Variants in NUDT9 observed in about 807,000 individuals in gnomAD.
The protein encoded by NUDT9 is nudix hydrolase 9.
A neutral mutation model predicts 41.0 loss-of-function variants in NUDT9; 31 were observed. The ratio of observed to expected loss-of-function variants is 0.76; its 90% CI spans 0.57 to 1.02. The LOEUF is 1.02. Among genes scored for constraint, NUDT9 ranks in the 50% least tolerant of loss-of-function variants. NUDT9 has a pLI of 0.00. For synonymous variants in NUDT9, 146 were observed against 147.6 expected (o/e 0.99, Z 0.08); for missense variants, 380 against 431.4 (o/e 0.88, Z 1.06).
intron 4 of NUDT9, among the ~76,000 whole-genome samples, chr4:87,447,395 A>G (rs1722504976): frequency 6.6e-6 from 1 of 152,160 alleles, no homozygotes; most frequent in African/African-American, 2.4e-5. Flanking sequence ...TTGGAAACTC[A>G]TATGCATACT....
intron 7 of NUDT9, among the ~76,000 whole-genome samples, chr4:87,456,747 A>G (rs1199610822): frequency 6.6e-6 from 1 of 151,922 alleles, no homozygotes; most frequent in East Asian, 1.9e-4. Flanking sequence ...AGTTTTTGGT[A>G]TGGCAGTGTG....
chr4:87,435,688 G>A (rs1336510808), intron 2 of NUDT9, among the ~76,000 whole-genome samples: 2 of 152,128 alleles, frequency 1.3e-5, no homozygotes, highest in African/African-American at 4.8e-5. Flanking sequence ...GAAAAGGGTT[G>A]GATAAAGGGG....
chr4:87,456,006 A>G (rs1360194820), intron 7 of NUDT9, among the ~76,000 whole-genome samples: 1 of 152,116 alleles, frequency 6.6e-6, no homozygotes, highest in African/African-American at 2.4e-5. Flanking sequence ...TTGTAAGGGA[A>G]CTAAGGCAAA....
intron 7 of NUDT9, among the ~76,000 whole-genome samples, chr4:87,454,875 T>C (rs1370696832): frequency 6.6e-6 from 1 of 152,212 alleles, no homozygotes; most frequent in Non-Finnish European, 1.5e-5. Context: ...GGATTGTTAA[T>C]ACACAAAGCA....
At chr4:87,449,792 T>C (rs1196191822) in intron 5 of NUDT9, among the ~76,000 whole-genome samples, 1 of 152,248 alleles carries the variant, frequency 6.6e-6, no homozygotes, top group East Asian at 1.9e-4. Context: ...AAGATGAGTA[T>C]ACTTTTGTTG....
intron 4 of NUDT9, among the ~76,000 whole-genome samples, chr4:87,444,271 A>G (rs1722348748): frequency 6.6e-6 from 1 of 152,072 alleles, no homozygotes; most frequent in African/African-American, 2.4e-5. Flanking sequence ...AGATATAATA[A>G]TAATTTGATA....
intron 1 of NUDT9, among the ~76,000 whole-genome samples, chr4:87,428,242 G>A (rs978289455): frequency 6.6e-6 from 1 of 152,170 alleles, no homozygotes; most frequent in East Asian, 1.9e-4. Context: ...TGTGATGAAA[G>A]AGAACAGCTT....
chr4:87,446,025 A>G (rs1170371579), intron 4 of NUDT9, among the ~76,000 whole-genome samples: 3 of 151,562 alleles, frequency 2.0e-5, no homozygotes, highest in Non-Finnish European at 4.4e-5. Flanking sequence ...CGGCTTCCCA[A>G]AGTGCTAAGA....
chr4:87,426,889 A>G (rs1470489400), intron 1 of NUDT9, among the ~76,000 whole-genome samples: 2 of 147,202 alleles, frequency 1.4e-5, no homozygotes, highest in East Asian at 4.2e-4. Context: ...AATAAACAAA[A>G]TTGGGAGTCG....
At position 87,429,908 on chromosome 4, in the gene NUDT9, G is replaced by A. The variant is rs73839779; in HGVS notation, c.108-5073G>A. On this transcript the variant is annotated intron_variant, in intron 1 of 7. Transcript: ENST00000302174. ...TCTATATATGCTTATATAATAAATA[G>A]TATAGACAGTTGTGGTAAGCAGAAT... Among the ~76,000 whole-genome samples the A allele has an allele frequency of 2.8e-3, 420 of 152,040 alleles. 1 individual carries two copies. Among genetic ancestry groups the A allele is most frequent in the African/African-American group, 9.6e-3 (397 of 41,440 alleles).
intron 1 of NUDT9, among the ~76,000 whole-genome samples, chr4:87,423,452 C>T (rs910287773): frequency 1.3e-5 from 2 of 151,954 alleles, no homozygotes; most frequent in African/African-American, 4.8e-5. Flanking sequence ...TACTATCTAC[C>T]TCCTTTTTTT....
chr4:87,457,563 G>A (rs10008963), intron 7 of NUDT9, among the ~76,000 whole-genome samples: 102,444 of 151,988 alleles, frequency 0.67, 35,257 homozygotes, highest in African/African-American at 0.82. Context: ...TCATATTCAT[G>A]TAATATAATC....
chr4:87,457,720 A>T, intron 7 of NUDT9, 123 bp from the exon 8 acceptor site: 2 of 826,628 alleles, frequency 2.4e-6, no homozygotes, highest in Non-Finnish European at 1.9e-6. Context: ...TCTAGTTTTT[A>T]ATTCACTTGG....
At chr4:87,455,391 C>G (rs1722940723) in intron 7 of NUDT9, among the ~76,000 whole-genome samples, 1 of 152,182 alleles carries the variant, frequency 6.6e-6, no homozygotes, top group Non-Finnish European at 1.5e-5. Flanking sequence ...AGAAGCAGGT[C>G]TGTACAACTT....
intron 4 of NUDT9, chr4:87,445,398 A>T (rs1276783158): frequency 3.9e-5 from 6 of 152,158 alleles, no homozygotes; most frequent in Non-Finnish European, 8.8e-5. Context: ...TCAAGTATGC[A>T]CTTCATGATT....
At chr4:87,444,620 A>G (rs1040219809) in intron 4 of NUDT9, among the ~76,000 whole-genome samples, 2 of 152,228 alleles carry the variant, frequency 1.3e-5, no homozygotes, top group South Asian at 4.1e-4. Flanking sequence ...AATGTTTGAA[A>G]CAGGAATGTA....
At chr4:87,450,865 TTGTCAGCTAA>T (rs1722680067) in intron 5 of NUDT9, among the ~76,000 whole-genome samples, 1 of 152,202 alleles carries the variant, frequency 6.6e-6, no homozygotes, top group African/African-American at 2.4e-5. Flanking sequence ...TATCTTCCTT[TTGTCAGCTAA>T]TATTTTAGAC....
intron 3 of NUDT9, 64 bp from the exon 4 acceptor site, chr4:87,441,765 A>T: frequency 7.9e-7 from 1 of 1,273,494 alleles, no homozygotes; most frequent in Non-Finnish European, 1.1e-6. Flanking sequence ...CTTTTGGGTT[A>T]TATCAAATCA....
At chr4:87,430,383 G>C (rs986425009) in intron 1 of NUDT9, among the ~76,000 whole-genome samples, 1 of 152,212 alleles carries the variant, frequency 6.6e-6, no homozygotes, top group African/African-American at 2.4e-5. Context: ...TGAATTTGTG[G>C]TGATTTGTTG....
Sources: allele counts gnomAD v4.1 joint callset (sites outside exome capture counted in the v4.1 genomes callset), GRCh38; gene constraint gnomAD v4.1.1; transcripts MANE v1.5; gene names NCBI Gene and HGNC (gene_info 2026-07-23, HGNC 2026-07-21).